WDFY4: variants seen among roughly 807,000 people sequenced by gnomAD.
WDFY4 encodes the protein WD repeat- and FYVE domain-containing protein 4.
In WDFY4, 169 loss-of-function variants were observed where a neutral mutation model predicts 351.9. That is an observed-to-expected ratio of 0.48 (90% CI 0.42 to 0.55). The LOEUF (loss-of-function observed/expected upper bound fraction) is 0.55. WDFY4 is among the 20% of genes least tolerant of loss of function. The probability of loss-of-function intolerance (pLI) is 0.00; values close to 1 mark genes in which losing one functional copy is unlikely to be tolerated. For synonymous variants in WDFY4, 1,622 were observed against 1,574.6 expected, an observed-to-expected ratio of 1.03 and a Z score of -0.71; for missense variants, 3,803 against 3,935.6, an observed-to-expected ratio of 0.97 and a Z score of 0.90.
intron 1 of WDFY4, among the ~76,000 whole-genome samples, chr10:48,686,966 C>A (rs2063067686): frequency 6.6e-6 from 1 of 152,160 alleles, no homozygotes; most frequent in Non-Finnish European, 1.5e-5. Context: ...GTTTTTGCCT[C>A]ATTTTACCCA....
intron 6 of WDFY4, among the ~76,000 whole-genome samples, chr10:48,726,387 G>A (rs926080534): frequency 5.9e-5 from 9 of 152,164 alleles, no homozygotes; most frequent in Admixed American, 6.5e-5. Flanking sequence ...TATCTTGCTT[G>A]TTTCTTTGAG....
chr10:48,882,033 A>G (rs2070271506), intron 43 of WDFY4, among the ~76,000 whole-genome samples: 1 of 152,184 alleles, frequency 6.6e-6, no homozygotes, highest in South Asian at 2.1e-4. Context: ...TCCCTGATAC[A>G]TAGGGTGAGT....
At chr10:48,778,465 G>T in intron 17 of WDFY4, 146 bp from the exon 18 acceptor site, 2 of 796,310 alleles carry the variant, frequency 2.5e-6, no homozygotes, top group Non-Finnish European at 4.0e-6. Flanking sequence ...AAGGCAGCAT[G>T]CCATAATGGG....
chr10:48,775,828 G>A, intron 15 of WDFY4, 22 bp downstream of exon 15: 3 of 1,542,546 alleles, frequency 1.9e-6, no homozygotes, highest in Non-Finnish European at 2.6e-6. Flanking sequence ...GGCAAGAACG[G>A]GGCAGGTTAA....
At chr10:48,842,074 T>A (rs1488080073) in intron 39 of WDFY4, among the ~76,000 whole-genome samples, 1 of 151,972 alleles carries the variant, frequency 6.6e-6, no homozygotes, top group Admixed American at 6.6e-5. Context: ...TCCCTCAACT[T>A]CTTCTTGGAT....
At chr10:48,696,362 G>A (rs2063330091) in intron 1 of WDFY4, among the ~76,000 whole-genome samples, 2 of 152,230 alleles carry the variant, frequency 1.3e-5, no homozygotes, top group Admixed American at 1.3e-4. Context: ...CCTGCTGTCT[G>A]CAAGGCTGCC....
intron 51 of WDFY4, among the ~76,000 whole-genome samples, chr10:48,950,356 G>A (rs1841262751): frequency 1.3e-5 from 2 of 152,220 alleles, no homozygotes; most frequent in South Asian, 4.1e-4. Flanking sequence ...TTCATCCATT[G>A]TTGCGGCATG....
At chr10:48,868,532 A>T (rs2069639086) in intron 40 of WDFY4, among the ~76,000 whole-genome samples, 1 of 152,180 alleles carries the variant, frequency 6.6e-6, no homozygotes, top group South Asian at 2.1e-4. Context: ...TATGTGTGTC[A>T]TCTGTGCCTA....
intron 11 of WDFY4, among the ~76,000 whole-genome samples, chr10:48,739,390 A>G (rs541108329): frequency 1.3e-5 from 2 of 152,344 alleles, no homozygotes; most frequent in African/African-American, 4.8e-5. Flanking sequence ...ACTTCAGCTG[A>G]TTAAATTTAC....
At chr10:48,836,982 T>C (rs892339051) in intron 39 of WDFY4, among the ~76,000 whole-genome samples, 2 of 152,142 alleles carry the variant, frequency 1.3e-5, no homozygotes, top group Admixed American at 6.5e-5. Context: ...ACAAGCAATG[T>C]TGGTTTCTTA....
chr10:48,764,619 C>A (rs567498657), intron 13 of WDFY4, among the ~76,000 whole-genome samples: 1 of 152,336 alleles, frequency 6.6e-6, no homozygotes, highest in South Asian at 2.1e-4. Context: ...CTAATCAGGT[C>A]TTAACTGAGG....
At chr10:48,951,522 T>C (rs1841321061) in intron 51 of WDFY4, among the ~76,000 whole-genome samples, 1 of 152,168 alleles carries the variant, frequency 6.6e-6, no homozygotes, top group African/African-American at 2.4e-5. Context: ...TCGAGCAATT[T>C]TCCTGCTTCA....
intron 39 of WDFY4, among the ~76,000 whole-genome samples, chr10:48,833,635 C>T (rs75717886): frequency 0.011 from 1,723 of 152,298 alleles, 15 homozygotes; most frequent in Non-Finnish European, 0.02. Flanking sequence ...TGCTGAGGCT[C>T]TTTTGGAAAT....
chr10:48,687,836 C>T (rs1390230985), intron 1 of WDFY4, among the ~76,000 whole-genome samples: 6 of 148,732 alleles, frequency 4.0e-5, no homozygotes, highest in East Asian at 2.0e-4. Context: ...GGCTGGAGTG[C>T]GGTGGTGCGA....
chr10:48,724,030 C>T (rs1236981293), intron 5 of WDFY4, among the ~76,000 whole-genome samples: 1 of 152,124 alleles, frequency 6.6e-6, no homozygotes, highest in Admixed American at 6.5e-5. Flanking sequence ...GCATCAAATG[C>T]AATTTCCTTC....
At chr10:48,857,851 G>A (rs562875862) in intron 39 of WDFY4, among the ~76,000 whole-genome samples, 5 of 151,796 alleles carry the variant, frequency 3.3e-5, no homozygotes, top group Admixed American at 1.3e-4. Flanking sequence ...GGAGTGCAAC[G>A]GTGCAGTCTC....
chr10:48,725,787 TC>T, intron 5 of WDFY4, 93 bp from the exon 6 acceptor site: 1 of 1,241,454 alleles, frequency 8.1e-7, no homozygotes. Flanking sequence ...AGAGACATGC[TC>T]ATCAGTGCTC....
At chr10:48,891,121 T>G (rs1459694073) in intron 44 of WDFY4, among the ~76,000 whole-genome samples, 1 of 152,232 alleles carries the variant, frequency 6.6e-6, no homozygotes, top group Non-Finnish European at 1.5e-5. Context: ...ATCGGCAGCA[T>G]GCACAGGTTC....
chr10:48,927,057 G>C (rs7908366), intron 47 of WDFY4, among the ~76,000 whole-genome samples: 3,199 of 151,392 alleles, frequency 0.021, 121 homozygotes, highest in African/African-American at 0.073. Flanking sequence ...GCCCTGGAGA[G>C]CTGCAGGCTG....
Sources: allele counts gnomAD v4.1 joint callset (sites outside exome capture counted in the v4.1 genomes callset), GRCh38; gene constraint gnomAD v4.1.1; transcripts MANE v1.5; gene names NCBI Gene and HGNC (gene_info 2026-07-23, HGNC 2026-07-21).